RBM47: variants seen among roughly 807,000 people sequenced by gnomAD.
The protein encoded by RBM47 is RNA binding motif protein 47, also known as RNA-binding protein 47.
A neutral mutation model predicts 47.1 loss-of-function variants in RBM47; 21 were observed. That is an observed-to-expected ratio of 0.45 (90% CI 0.32 to 0.64). The LOEUF (loss-of-function observed/expected upper bound fraction) is 0.64. Among genes scored for constraint, RBM47 ranks in the 30% least tolerant of loss-of-function variants. The pLI, the probability that RBM47 is intolerant of heterozygous loss-of-function variation, is 0.05. For synonymous variants in RBM47, 375 were observed against 361.7 expected, an observed-to-expected ratio of 1.04 and a Z score of -0.42; for missense variants, 708 against 870.9, an observed-to-expected ratio of 0.81 and a Z score of 2.35.
At chr4:40,509,884 A>G (rs1248496774) in intron 2 of RBM47, among the ~76,000 whole-genome samples, 1 of 147,576 alleles carries the variant, frequency 6.8e-6, no homozygotes, top group East Asian at 2.0e-4. Context: ...CTCCGTCTCA[A>G]AAAAAAAAAG....
intron 1 of RBM47, among the ~76,000 whole-genome samples, chr4:40,576,724 C>T (rs1397782353): frequency 6.6e-6 from 1 of 152,070 alleles, no homozygotes; most frequent in Non-Finnish European, 1.5e-5. Context: ...GGTGCAAGCT[C>T]AGCTCATTTC....
intron 2 of RBM47, among the ~76,000 whole-genome samples, chr4:40,470,223 G>A (rs1001177326): frequency 6.0e-5 from 9 of 151,004 alleles, no homozygotes; most frequent in Non-Finnish European, 1.0e-4. Flanking sequence ...AGCTCCCCCC[G>A]CCCCCCAGCC....
chr4:40,577,451 T>C (rs747366627), intron 1 of RBM47, among the ~76,000 whole-genome samples: 2 of 151,706 alleles, frequency 1.3e-5, no homozygotes, highest in South Asian at 2.1e-4. Flanking sequence ...AGGGAGTTAA[T>C]AGTTACATGA....
intron 1 of RBM47, among the ~76,000 whole-genome samples, chr4:40,616,253 C>T (rs1736706652): frequency 6.6e-6 from 1 of 151,488 alleles, no homozygotes; most frequent in Non-Finnish European, 1.5e-5. Flanking sequence ...ACTCTGGAGG[C>T]TGAGGCAGGA....
At chr4:40,520,661 C>T (rs1726108023) in intron 2 of RBM47, among the ~76,000 whole-genome samples, 1 of 152,118 alleles carries the variant, frequency 6.6e-6, no homozygotes, top group Non-Finnish European at 1.5e-5. Context: ...TTAGGAATGC[C>T]CATGAATCAT....
At chr4:40,535,473 G>A (rs576345528) in intron 2 of RBM47, among the ~76,000 whole-genome samples, 1 of 149,440 alleles carries the variant, frequency 6.7e-6, no homozygotes, top group Non-Finnish European at 1.5e-5. Flanking sequence ...CCGGGTTCAA[G>A]CGATTCTCCT....
rs532122615 is a variant in RBM47 at position 40,590,147 on chromosome 4, T to C, written c.-240+39249A>G. 1.2e-3 allele frequency among the ~76,000 whole-genome samples: 185 copies of C among 152,316 alleles called. 2 individuals carry two copies. The highest frequency in any genetic ancestry group is 4.2e-3 in the African/African-American group (176 of 41,578). ...GAATAGGCCAGGTACTGAGAAAGTT[T>C]TTTTGTAACAAGATGGAAATCTAGA... is the stretch of plus-strand genomic sequence containing the variant. On this transcript the variant is annotated intron_variant, in intron 1 of 6. Coordinates refer to ENST00000295971, the MANE Select transcript of RBM47 (RefSeq NM_001098634.2).
chr4:40,496,224 T>A (rs1722542436), intron 2 of RBM47, among the ~76,000 whole-genome samples: 1 of 152,168 alleles, frequency 6.6e-6, no homozygotes, highest in South Asian at 2.1e-4. Flanking sequence ...TTGTGTGGGT[T>A]ATGCAGTGGC....
intron 2 of RBM47, among the ~76,000 whole-genome samples, chr4:40,536,717 G>GTGTGT (rs749047772): frequency 1.1e-4 from 13 of 115,502 alleles, no homozygotes; most frequent in East Asian, 2.2e-4. Flanking sequence ...GTGTGTGTGT[G>GTGTGT]TTTTTGTTTT....
intron 2 of RBM47, among the ~76,000 whole-genome samples, chr4:40,534,936 G>GGAA (rs1553897789): frequency 3.6e-4 from 35 of 96,922 alleles, no homozygotes; most frequent in Admixed American, 1.1e-3. Flanking sequence ...CTCCGTCTCA[G>GGAA]AAAAAAAAAA....
At chr4:40,432,360 C>T (rs908953588) in intron 6 of RBM47, among the ~76,000 whole-genome samples, 1 of 152,000 alleles carries the variant, frequency 6.6e-6, no homozygotes, top group African/African-American at 2.4e-5. Context: ...TAAAAATTAT[C>T]CAGTGCTATT....
intron 1 of RBM47, among the ~76,000 whole-genome samples, chr4:40,545,953 G>A (rs1221035724): frequency 6.6e-6 from 1 of 152,016 alleles, no homozygotes; most frequent in East Asian, 1.9e-4. Context: ...CAGAGAAAAT[G>A]TTCAATGAAG....
In RBM47 at chr4:40,556,043, T is replaced by C. The variant is rs192066348; in HGVS notation, c.-239-11537A>G. Among the ~76,000 whole-genome samples, 796 of 151,832 alleles carry C rather than the reference T, an allele frequency of 5.2e-3. 30 individuals carry two copies. The highest frequency in any genetic ancestry group is 0.05 in the Admixed American group (766 of 15,228). ...AAAGACCTGAAAAGATCTTCTTTTT[T>C]TTTTTTTTTTGAGACAGAGTCTGGC... On this transcript the variant is annotated intron_variant, in intron 1 of 6. Transcript: ENST00000295971.
chr4:40,493,131 T>C (rs572764487), intron 2 of RBM47, among the ~76,000 whole-genome samples: 24 of 152,294 alleles, frequency 1.6e-4, no homozygotes, highest in African/African-American at 5.8e-4. Context: ...CTTTGTCAAA[T>C]GAAGATCACA....
At chr4:40,513,854 G>T in intron 2 of RBM47, among the ~76,000 whole-genome samples, 1 of 151,960 alleles carries the variant, frequency 6.6e-6, no homozygotes, top group East Asian at 1.9e-4. Flanking sequence ...GAGTAGCTGG[G>T]ACTACCGGCG....
chr4:40,509,185 A>AAATAAATAAATAAATAAAT (rs1553893164), intron 2 of RBM47, among the ~76,000 whole-genome samples: 1 of 151,242 alleles, frequency 6.6e-6, no homozygotes, highest in African/African-American at 2.4e-5. Flanking sequence ...ATAAATAAAT[A>AAATAAATAAATAAATAAAT]AATAATAATA....
intron 1 of RBM47, among the ~76,000 whole-genome samples, chr4:40,625,912 ACT>A (rs1737696049): frequency 6.6e-6 from 1 of 152,122 alleles, no homozygotes; most frequent in East Asian, 1.9e-4. Flanking sequence ...TTACACTAGC[ACT>A]CTGTCTTCTC....
chr4:40,448,925 G>C (rs777042109), intron 3 of RBM47, among the ~76,000 whole-genome samples: 1 of 152,140 alleles, frequency 6.6e-6, no homozygotes, highest in Admixed American at 6.6e-5. Flanking sequence ...GGTGAAGGAG[G>C]GGGTGGGGTA....
intron 1 of RBM47, among the ~76,000 whole-genome samples, chr4:40,558,034 C>T (rs1730262817): frequency 6.6e-6 from 1 of 152,300 alleles, no homozygotes; most frequent in Non-Finnish European, 1.5e-5. Flanking sequence ...TAAATTACAT[C>T]GTCCTGAATT....
Sources: gnomAD v4.1 joint callset for allele counts (sites outside exome capture counted in the v4.1 genomes callset) on GRCh38, gnomAD v4.1.1 for gene constraint, MANE v1.5 for transcripts, NCBI Gene and HGNC (gene_info 2026-07-23, HGNC 2026-07-21) for gene names.